DOCK2: variants seen among roughly 807,000 people sequenced by gnomAD.
DOCK2 encodes the protein dedicator of cytokinesis 2.
In DOCK2, 87 loss-of-function variants were observed where a neutral mutation model predicts 248.9. The observed-to-expected ratio is 0.35, with a 90% confidence interval of 0.29 to 0.42. The LOEUF is 0.42. Among genes scored for constraint, DOCK2 ranks in the 10% least tolerant of loss-of-function variants. The probability of loss-of-function intolerance (pLI) is 1.00; values close to 1 mark genes in which losing one functional copy is unlikely to be tolerated. For missense variants in DOCK2, 1,747 were observed against 2,300.2 expected (o/e 0.76, Z 4.92); for synonymous variants, 805 against 821.6 (o/e 0.98, Z 0.35).
At chr5:170,056,583 G>A (rs1757139083) in intron 42 of DOCK2, 101 bp from the exon 43 acceptor site, 1 of 914,858 alleles carries the variant, frequency 1.1e-6, no homozygotes, top group Admixed American at 2.2e-5. Flanking sequence ...TGCCAGGCCT[G>A]AAGTTTACTG....
chr5:169,669,258 G>A (rs1209047570), intron 2 of DOCK2, 30 bp from the exon 3 acceptor site: 8 of 1,612,230 alleles, frequency 5.0e-6, no homozygotes, highest in Middle Eastern at 1.6e-4. Flanking sequence ...TAATAAATGA[G>A]GGAACTGTTT....
At chr5:169,848,674 T>TA (rs1470060107) in intron 27 of DOCK2, among the ~76,000 whole-genome samples, 1 of 152,198 alleles carries the variant, frequency 6.6e-6, no homozygotes, top group African/African-American at 2.4e-5. Flanking sequence ...TTTGGGTAGT[T>TA]AAAATAAGCC....
chr5:169,693,848 C>T (rs1760447251), intron 9 of DOCK2, among the ~76,000 whole-genome samples: 1 of 152,164 alleles, frequency 6.6e-6, no homozygotes, highest in African/African-American at 2.4e-5. Context: ...AGGCAGAATT[C>T]CTCCTTGTCT....
At chr5:169,981,065 G>A (rs1777921290) in intron 27 of DOCK2, among the ~76,000 whole-genome samples, 1 of 152,134 alleles carries the variant, frequency 6.6e-6, no homozygotes, top group Non-Finnish European at 1.5e-5. Context: ...AGGGCTCCAT[G>A]GCTGTTTCAA....
chr5:169,871,935 G>A (rs1216804344), intron 27 of DOCK2, among the ~76,000 whole-genome samples: 3 of 152,150 alleles, frequency 2.0e-5, no homozygotes, highest in African/African-American at 4.8e-5. Context: ...TAATATCTGG[G>A]GTCAGCAATC....
intron 2 of DOCK2, among the ~76,000 whole-genome samples, chr5:169,667,210 G>A (rs1472611787): frequency 6.6e-6 from 1 of 152,124 alleles, no homozygotes; most frequent in Admixed American, 6.5e-5. Flanking sequence ...CCATCATGTG[G>A]GTTCAAGTCA....
chr5:169,851,795 C>T (rs771989914), intron 27 of DOCK2, among the ~76,000 whole-genome samples: 2 of 151,972 alleles, frequency 1.3e-5, no homozygotes, highest in Non-Finnish European at 2.9e-5. Flanking sequence ...GGGGAAGAGC[C>T]CCTTTATAAA....
At chr5:169,921,049 A>G (rs144159318) in intron 27 of DOCK2, among the ~76,000 whole-genome samples, 1,564 of 152,304 alleles carry the variant, frequency 0.01, 31 homozygotes, top group African/African-American at 0.036. Context: ...GTTATTTTCC[A>G]ATTCCTTCTG....
intron 22 of DOCK2, among the ~76,000 whole-genome samples, chr5:169,732,489 C>A (rs535993209): frequency 6.6e-6 from 1 of 152,284 alleles, no homozygotes; most frequent in Admixed American, 6.5e-5. Context: ...CACTTGATAT[C>A]TTCTTTTCTA....
intron 32 of DOCK2, among the ~76,000 whole-genome samples, chr5:170,014,259 G>C (rs1755425081): frequency 6.6e-6 from 1 of 152,096 alleles, no homozygotes; most frequent in African/African-American, 2.4e-5. Context: ...ACTGTGGTAG[G>C]CTCCCCAAAG....
chr5:169,942,832 A>G (rs887808248), intron 27 of DOCK2, among the ~76,000 whole-genome samples: 1 of 152,030 alleles, frequency 6.6e-6, no homozygotes, highest in Non-Finnish European at 1.5e-5. Flanking sequence ...CTTGGTCTGA[A>G]CTCTTCCTTT....
intron 36 of DOCK2, among the ~76,000 whole-genome samples, chr5:170,037,955 A>T (rs1440566474): frequency 2.0e-5 from 3 of 152,244 alleles, no homozygotes; most frequent in Non-Finnish European, 4.4e-5. Flanking sequence ...ATTACGGCAG[A>T]TATATCTAGG....
intron 22 of DOCK2, among the ~76,000 whole-genome samples, chr5:169,731,473 G>A (rs930608293): frequency 6.6e-6 from 1 of 152,108 alleles, no homozygotes; most frequent in Non-Finnish European, 1.5e-5. Context: ...CCGTGATTGT[G>A]AGGCTTCCCC....
chr5:169,812,998 C>A (rs1453411973), intron 26 of DOCK2, among the ~76,000 whole-genome samples: 1 of 152,212 alleles, frequency 6.6e-6, no homozygotes, highest in Non-Finnish European at 1.5e-5. Flanking sequence ...GCCTTCCCTG[C>A]AGGGCATCTG....
intron 27 of DOCK2, among the ~76,000 whole-genome samples, chr5:169,956,314 A>G (rs1436593778): frequency 2.0e-5 from 3 of 152,244 alleles, no homozygotes; most frequent in Non-Finnish European, 4.4e-5. Context: ...GCTAGAAAAA[A>G]TTAGGGAAAT....
chr5:169,686,448 A>G (rs961831702), intron 8 of DOCK2, among the ~76,000 whole-genome samples: 4 of 152,166 alleles, frequency 2.6e-5, no homozygotes, highest in East Asian at 1.9e-4. Context: ...AGTGCTGGAG[A>G]CGAGGGCCAG....
At chr5:169,816,536 A>G (rs1190670643) in intron 26 of DOCK2, among the ~76,000 whole-genome samples, 3 of 152,310 alleles carry the variant, frequency 2.0e-5, no homozygotes, top group Non-Finnish European at 1.5e-5. Flanking sequence ...CTCTCCAACC[A>G]CATTTCCAAC....
intron 27 of DOCK2, among the ~76,000 whole-genome samples, chr5:169,932,588 C>T (rs934570874): frequency 2.0e-5 from 3 of 152,178 alleles, no homozygotes; most frequent in South Asian, 4.1e-4. Context: ...ACGCTTGACA[C>T]TGACCACAAG....
chr5:169,914,069 T>C (rs1348561519), intron 27 of DOCK2, among the ~76,000 whole-genome samples: 1 of 152,204 alleles, frequency 6.6e-6, no homozygotes, highest in Non-Finnish European at 1.5e-5. Context: ...ATGAAGCTTT[T>C]GACTGAAGAA....
Sources: gnomAD v4.1 joint callset for allele counts (sites outside exome capture counted in the v4.1 genomes callset) on GRCh38, gnomAD v4.1.1 for gene constraint, MANE v1.5 for transcripts, NCBI Gene and HGNC (gene_info 2026-07-23, HGNC 2026-07-21) for gene names.